Variants in ST6GALNAC5 observed in about 807,000 individuals in gnomAD.
The protein encoded by ST6GALNAC5 is alpha-N-acetylgalactosaminide alpha-2,6-sialyltransferase 5.
In ST6GALNAC5, 27 loss-of-function variants were observed where a neutral mutation model predicts 33.6. The ratio of observed to expected loss-of-function variants is 0.80; its 90% confidence interval spans 0.59 to 1.11. The LOEUF is 1.11. Ranked by LOEUF, ST6GALNAC5 falls within the 50% of genes least tolerant of loss-of-function variation. The probability of loss-of-function intolerance (pLI) is 0.00; values close to 1 mark genes in which losing one functional copy is unlikely to be tolerated. For synonymous variants in ST6GALNAC5, 194 were observed against 171.2 expected (o/e 1.13, Z -1.04); for missense variants, 428 against 454.0 (o/e 0.94, Z 0.52).
Position 76,979,966 on chromosome 1 carries a change from C to T in ST6GALNAC5, c.262-64238C>T, listed in dbSNP as rs141886543. Among the ~76,000 whole-genome samples, 332 of 152,044 alleles carry T rather than the reference C, an allele frequency of 2.2e-3. 7 individuals carry two copies. Among genetic ancestry groups the T allele is most frequent in the African/African-American group, 7.6e-3 (316 of 41,472 alleles). ...CCAAAAAAAGACTGTAATGTAAGAC[C>T]CAAAACTATGAAACTACTAGAAGAA... is the stretch of plus-strand genomic sequence containing the variant. On this transcript the variant is annotated intron_variant, in intron 2 of 4. Transcript: ENST00000477717.
At chr1:77,062,827 T>C in intron 4 of ST6GALNAC5, 148 bp from the exon 5 acceptor site, 3 of 615,820 alleles carry the variant, frequency 4.9e-6, no homozygotes, top group African/African-American at 1.8e-5. Flanking sequence ...CACTTCCTTA[T>C]TGTGTAATCA....
chr1:76,878,370 C>G (rs1332322548), intron 2 of ST6GALNAC5, among the ~76,000 whole-genome samples: 1 of 152,124 alleles, frequency 6.6e-6, no homozygotes, highest in Admixed American at 6.5e-5. Context: ...ACCCACCAGA[C>G]CCACTGTAAG....
intron 2 of ST6GALNAC5, among the ~76,000 whole-genome samples, chr1:77,014,471 CA>C (rs1650750630): frequency 6.6e-6 from 1 of 152,186 alleles, no homozygotes; most frequent in Non-Finnish European, 1.5e-5. Context: ...TCCCCCCACC[CA>C]GGCCCTGCCC....
chr1:76,895,970 C>G (rs894730326), intron 2 of ST6GALNAC5, among the ~76,000 whole-genome samples: 1 of 152,158 alleles, frequency 6.6e-6, no homozygotes, highest in Non-Finnish European at 1.5e-5. Flanking sequence ...AAGTTGGTGG[C>G]TGAGCTTGGT....
chr1:76,894,335 G>A (rs1020554211), intron 2 of ST6GALNAC5, among the ~76,000 whole-genome samples: 2 of 152,168 alleles, frequency 1.3e-5, no homozygotes, highest in Non-Finnish European at 2.9e-5. Flanking sequence ...TGTACGGCAT[G>A]TACACCGCAC....
intron 2 of ST6GALNAC5, among the ~76,000 whole-genome samples, chr1:77,001,184 G>T (rs1343898577): frequency 2.9e-5 from 4 of 138,006 alleles, no homozygotes; most frequent in African/African-American, 1.1e-4. Context: ...GTGGTTTGTA[G>T]TTCTCCTTGA....
At chr1:76,871,638 T>C (rs1653506829) in intron 2 of ST6GALNAC5, among the ~76,000 whole-genome samples, 1 of 152,168 alleles carries the variant, frequency 6.6e-6, no homozygotes, top group Admixed American at 6.5e-5. Context: ...GTGCTTTTGT[T>C]GAAATATATG....
intron 2 of ST6GALNAC5, among the ~76,000 whole-genome samples, chr1:76,917,373 G>A (rs952371800): frequency 6.6e-6 from 1 of 152,034 alleles, no homozygotes; most frequent in African/African-American, 2.4e-5. Context: ...CGAAAAATTA[G>A]GCTAAATATT....
chr1:76,957,154 A>G (rs1199288674), intron 2 of ST6GALNAC5, among the ~76,000 whole-genome samples: 1 of 152,156 alleles, frequency 6.6e-6, no homozygotes, highest in African/African-American at 2.4e-5. Context: ...AACAATATAA[A>G]TGTATTGTCT....
At chr1:76,980,061 A>C (rs1188536876) in intron 2 of ST6GALNAC5, among the ~76,000 whole-genome samples, 2 of 152,174 alleles carry the variant, frequency 1.3e-5, no homozygotes, top group African/African-American at 4.8e-5. Flanking sequence ...AGAAGGACAG[A>C]CAGCATAACT....
At chr1:76,966,295 T>TTCTCC (rs1557739919) in intron 2 of ST6GALNAC5, among the ~76,000 whole-genome samples, 1 of 152,226 alleles carries the variant, frequency 6.6e-6, no homozygotes, top group African/African-American at 2.4e-5. Context: ...TGGTTTGTAG[T>TTCTCC]TCTCCTTGAA....
chr1:76,897,754 CTGGGCAGG>C (rs1285400192), intron 2 of ST6GALNAC5, among the ~76,000 whole-genome samples: 2 of 151,926 alleles, frequency 1.3e-5, no homozygotes, highest in Non-Finnish European at 2.9e-5. Flanking sequence ...AATAAGGGAA[CTGGGCAGG>C]TGGGGATAAC....
intron 4 of ST6GALNAC5, among the ~76,000 whole-genome samples, chr1:77,059,217 G>T (rs1051691658): frequency 4.6e-5 from 7 of 152,126 alleles, no homozygotes; most frequent in African/African-American, 1.7e-4. Context: ...TGAGTATAAT[G>T]CTCAGCTAAA....
At chr1:76,958,844 C>T (rs1389740441) in intron 2 of ST6GALNAC5, among the ~76,000 whole-genome samples, 1 of 152,144 alleles carries the variant, frequency 6.6e-6, no homozygotes, top group African/African-American at 2.4e-5. Context: ...AAAGCCATGC[C>T]TGGACCTGCA....
intron 2 of ST6GALNAC5, among the ~76,000 whole-genome samples, chr1:76,901,416 C>T (rs1239345652): frequency 2.0e-5 from 3 of 152,166 alleles, no homozygotes; most frequent in African/African-American, 4.8e-5. Context: ...TATGGGTTAG[C>T]ACCTAGGTTT....
intron 2 of ST6GALNAC5, among the ~76,000 whole-genome samples, chr1:76,914,947 C>A (rs1260353112): frequency 6.6e-6 from 1 of 151,422 alleles, no homozygotes; most frequent in Non-Finnish European, 1.5e-5. Flanking sequence ...ACTCATCTGA[C>A]AAAGGGCTAA....
At chr1:76,897,787 T>C (rs1646767531) in intron 2 of ST6GALNAC5, among the ~76,000 whole-genome samples, 1 of 152,062 alleles carries the variant, frequency 6.6e-6, no homozygotes, top group Non-Finnish European at 1.5e-5. Context: ...AAGGAGTGCT[T>C]AAAAGAGTAT....
At chr1:77,032,726 A>G (rs1191097221) in intron 2 of ST6GALNAC5, among the ~76,000 whole-genome samples, 1 of 152,196 alleles carries the variant, frequency 6.6e-6, no homozygotes, top group Non-Finnish European at 1.5e-5. Context: ...CTCCACTCTA[A>G]CACTGTATTT....
At chr1:77,038,911 G>T (rs796851832) in intron 2 of ST6GALNAC5, among the ~76,000 whole-genome samples, 6 of 152,202 alleles carry the variant, frequency 3.9e-5, no homozygotes, top group Non-Finnish European at 5.9e-5. Context: ...GTGGGCAGGG[G>T]TGATGGAAGG....
Sources: allele counts gnomAD v4.1 joint callset (sites outside exome capture counted in the v4.1 genomes callset), GRCh38; gene constraint gnomAD v4.1.1; transcripts MANE v1.5; gene names NCBI Gene and HGNC (gene_info 2026-07-23, HGNC 2026-07-21).